Variants in TNR observed in about 807,000 individuals in gnomAD.
TNR encodes tenascin-R.
In TNR, 45 loss-of-function variants were observed where a neutral mutation model predicts 150.4. The ratio of observed to expected loss-of-function variants is 0.30; its 90% CI spans 0.24 to 0.38. TNR has a LOEUF of 0.38. Among genes scored for constraint, TNR ranks in the 10% least tolerant of loss-of-function variants. The pLI is 1.00. For synonymous variants in TNR, 687 were observed against 678.4 expected, an observed-to-expected ratio of 1.01 and a Z score of -0.20; for missense variants, 1,544 against 1,759.1, an observed-to-expected ratio of 0.88 and a Z score of 2.19.
At chr1:175,405,098 G>A (rs2102047089) in intron 3 of TNR, among the ~76,000 whole-genome samples, 1 of 152,274 alleles carries the variant, frequency 6.6e-6, no homozygotes, top group Middle Eastern at 3.4e-3. Context: ...TCCTATAGAG[G>A]TGAGTGCTTG....
chr1:175,552,757 C>T (rs1660997264), intron 1 of TNR, among the ~76,000 whole-genome samples: 1 of 152,200 alleles, frequency 6.6e-6, no homozygotes, highest in Non-Finnish European at 1.5e-5. Context: ...CAATTCCTAA[C>T]TTTTTCCTTC....
chr1:175,375,979 A>G (rs1652358510), intron 9 of TNR, among the ~76,000 whole-genome samples: 1 of 152,242 alleles, frequency 6.6e-6, no homozygotes, highest in Non-Finnish European at 1.5e-5. Flanking sequence ...AATTTGCTCA[A>G]GGATGCACTT....
At chr1:175,418,963 G>A (rs900802948) in intron 2 of TNR, among the ~76,000 whole-genome samples, 1 of 152,182 alleles carries the variant, frequency 6.6e-6, no homozygotes, top group Non-Finnish European at 1.5e-5. Context: ...TTTGATGTCT[G>A]CAGTTGCAAT....
chr1:175,451,444 C>A (rs924141063), intron 2 of TNR, among the ~76,000 whole-genome samples: 2 of 143,748 alleles, frequency 1.4e-5, no homozygotes, highest in East Asian at 4.2e-4. Flanking sequence ...TTGTAAGGCA[C>A]CTGGTTAGTA....
At chr1:175,406,080 C>A (rs976883873) in intron 3 of TNR, 136 bp downstream of exon 3, 5 of 1,185,140 alleles carry the variant, frequency 4.2e-6, no homozygotes, top group African/African-American at 1.5e-5. Context: ...TTCCTTTGAC[C>A]GTGTGAAGAG....
At chr1:175,678,172 C>A (rs1416898408) in intron 1 of TNR, among the ~76,000 whole-genome samples, 2 of 152,198 alleles carry the variant, frequency 1.3e-5, no homozygotes, top group Non-Finnish European at 2.9e-5. Flanking sequence ...CCTCAGCCAT[C>A]CTAGAAACAG....
chr1:175,470,907 G>C (rs1287980176), intron 2 of TNR, among the ~76,000 whole-genome samples: 1 of 152,052 alleles, frequency 6.6e-6, no homozygotes, highest in Non-Finnish European at 1.5e-5. Context: ...GGAACTCGAT[G>C]ACCACTGGCC....
intron 1 of TNR, among the ~76,000 whole-genome samples, chr1:175,564,518 AAAT>A (rs1167540801): frequency 6.6e-6 from 1 of 152,242 alleles, no homozygotes; most frequent in African/African-American, 2.4e-5. Context: ...GAATATTTAA[AAAT>A]AATGTTGTAT....
chr1:175,729,194 T>C (rs981516604), intron 1 of TNR, among the ~76,000 whole-genome samples: 2 of 152,154 alleles, frequency 1.3e-5, no homozygotes, highest in Admixed American at 6.5e-5. Flanking sequence ...AATTTAAATT[T>C]TTATTAGGTG....
chr1:175,672,645 A>G (rs1665737153), intron 1 of TNR, among the ~76,000 whole-genome samples: 1 of 152,114 alleles, frequency 6.6e-6, no homozygotes, highest in African/African-American at 2.4e-5. Flanking sequence ...CTAACCAGAC[A>G]AGAGGATATC....
At chr1:175,431,312 A>G (rs1337610446) in intron 2 of TNR, among the ~76,000 whole-genome samples, 1 of 152,240 alleles carries the variant, frequency 6.6e-6, no homozygotes, top group Non-Finnish European at 1.5e-5. Flanking sequence ...TGGTGCTGAG[A>G]AACAATAGAC....
At chr1:175,644,211 C>T (rs1400280675) in intron 1 of TNR, among the ~76,000 whole-genome samples, 1 of 152,186 alleles carries the variant, frequency 6.6e-6, no homozygotes, top group Admixed American at 6.5e-5. Flanking sequence ...TGTGCATCAA[C>T]AGACACATTG....
intron 2 of TNR, among the ~76,000 whole-genome samples, chr1:175,505,945 C>T (rs995365212): frequency 1.3e-5 from 2 of 152,150 alleles, no homozygotes; most frequent in African/African-American, 2.4e-5. Context: ...GAGGCTGAGG[C>T]GAGAGGATCA....
At chr1:175,585,311 A>G (rs922818999) in intron 1 of TNR, among the ~76,000 whole-genome samples, 7 of 152,264 alleles carry the variant, frequency 4.6e-5, no homozygotes, top group Admixed American at 1.3e-4. Flanking sequence ...GCACAAAACT[A>G]TATGAACTAT....
Position 175,403,660 on chromosome 1 carries a change from C to T in TNR, c.500-44G>A, listed in dbSNP as rs1339390792. ...AGGTCAAAGAGCAGCAGTGGCCTCT[C>T]CTGTCAATGGTGCTGGGGAAGGATG... On this transcript the variant is annotated intron_variant, in intron 3 of 22. Coordinates refer to ENST00000367674, the MANE Select transcript of TNR (RefSeq NM_003285.3). The T allele has an allele frequency of 2.6e-6, 4 of 1,516,336 alleles. No individual in the cohort carries two copies. The African/African-American group carries it at 4.1e-5, about 16-fold the overall frequency. The allele number at this position is 1,516,336 out of a possible 1,614,324, so 93.9% of individuals were successfully genotyped here.
intron 1 of TNR, among the ~76,000 whole-genome samples, chr1:175,715,044 G>T (rs1027561143): frequency 6.6e-6 from 1 of 152,148 alleles, no homozygotes; most frequent in Non-Finnish European, 1.5e-5. Flanking sequence ...CTCAAAGTGT[G>T]GTCCCAGGAC....
At chr1:175,716,469 T>C (rs1667157419) in intron 1 of TNR, among the ~76,000 whole-genome samples, 1 of 152,170 alleles carries the variant, frequency 6.6e-6, no homozygotes, top group Admixed American at 6.6e-5. Flanking sequence ...CTGTGTATGC[T>C]CAGTCCTGGA....
chr1:175,571,127 AC>A (rs1661849393), intron 1 of TNR, among the ~76,000 whole-genome samples: 3 of 152,122 alleles, frequency 2.0e-5, no homozygotes, highest in African/African-American at 7.2e-5. Context: ...TCTGAACTAA[AC>A]ACCTTTGTCC....
intron 1 of TNR, among the ~76,000 whole-genome samples, chr1:175,625,338 G>A (rs1664116811): frequency 6.6e-6 from 1 of 152,268 alleles, no homozygotes; most frequent in Non-Finnish European, 1.5e-5. Flanking sequence ...AGAACTAGAT[G>A]TTGGGCCCTG....
Sources: allele counts gnomAD v4.1 joint callset (sites outside exome capture counted in the v4.1 genomes callset), GRCh38; gene constraint gnomAD v4.1.1; transcripts MANE v1.5; gene names NCBI Gene and HGNC (gene_info 2026-07-23, HGNC 2026-07-21).